Variants in SHROOM2 observed in about 807,000 individuals in gnomAD.
SHROOM2 encodes shroom family member 2, also known as protein Shroom2.
A neutral mutation model predicts 75.9 loss-of-function variants in SHROOM2; 33 were observed. That is an observed-to-expected ratio of 0.43 (90% CI 0.33 to 0.58). The LOEUF is 0.58. Ranked by LOEUF, SHROOM2 falls within the 20% of genes least tolerant of loss-of-function variation. The probability of loss-of-function intolerance (pLI) is 0.04; values close to 1 mark genes in which losing one functional copy is unlikely to be tolerated. For missense variants in SHROOM2, 1,434 were observed against 1,461.2 expected (o/e 0.98, Z 0.30); for synonymous variants, 655 against 663.6 (o/e 0.99, Z 0.20).
intron 5 of SHROOM2, among the ~76,000 whole-genome samples, chrX:9,927,629 C>T (rs932300381): frequency 9.9e-5 from 11 of 111,673 alleles, no homozygotes; most frequent in Non-Finnish European, 1.9e-4. Flanking sequence ...TTTAAAATTC[C>T]GCACAAAAAA....
intron 1 of SHROOM2, among the ~76,000 whole-genome samples, chrX:9,868,306 C>T (rs1334211177): frequency 6.4e-5 from 7 of 109,273 alleles, no homozygotes; most frequent in African/African-American, 1.7e-4. Context: ...AGTGCAGTGG[C>T]GCAATCTCAG....
At chrX:9,854,605 C>G (rs12395679) in intron 1 of SHROOM2, among the ~76,000 whole-genome samples, 19,424 of 111,755 alleles carry the variant, frequency 0.17, 2,418 homozygotes, top group East Asian at 0.42. Flanking sequence ...CAACTCATTA[C>G]TCTTCACGGT....
At chrX:9,937,778 C>T (rs1330074500) in intron 7 of SHROOM2, 93 bp downstream of exon 7, 18 of 832,806 alleles carry the variant, frequency 2.2e-5, no homozygotes, top group African/African-American at 2.1e-4. Flanking sequence ...TGTTTTCATG[C>T]GTGCTTTTGG....
chrX:9,895,671 A>C lies in SHROOM2; in HGVS notation c.1763A>C (p.His588Pro), dbSNP rs1314375527. 8.5e-7 allele frequency: 1 copy of C among 1,174,754 alleles called. No homozygotes were observed. The highest frequency in any genetic ancestry group is 1.1e-6 in the Non-Finnish European group (1 of 880,474). Reference protein sequence around the residue: ...RICPQETPLLHSLTQEGKRRP... With the variant: ...RICPQETPLLPSLTQEGKRRP... ...TGCCCGCAGGAGACGCCCCTGTTGC[A>C]CTCCCTGACCCAGGAGGGGAAGCGC... is the stretch of plus-strand genomic sequence containing the variant. The change falls in exon 4 of 10, where the codon CAC (histidine) becomes CCC (proline). Residue 588 changes from histidine to proline, a missense_variant. By Grantham distance (77) the His-to-Pro change is moderately conservative. Transcript: ENST00000380913.
Position 9,902,223 on chromosome X carries a change from G to A in SHROOM2, c.2891+3933G>A, listed in dbSNP as rs192861426. ...GTTGGATGGACGAATGGAAAAGTAAGTGGGTGGGTGGGAGGATGGATGGAT... is the reference window on the plus strand; with the variant it reads ...GTTGGATGGACGAATGGAAAAGTAAATGGGTGGGTGGGAGGATGGATGGAT... On this transcript the variant is annotated intron_variant, in intron 5 of 9. Transcript: ENST00000380913. Among the ~76,000 whole-genome samples the A allele has an allele frequency of 4.8e-3, 529 of 109,373 alleles. 1 individual carries two copies. The highest frequency in any genetic ancestry group is 0.018 in the Admixed American group (184 of 10,183). 95.0% of individuals were successfully genotyped at this position (109,373 alleles called of 115,157 possible).
At position 9,815,176 on chromosome X, in the gene SHROOM2, A is replaced by G. The variant is rs374650254; in HGVS notation, c.165+28466A>G. Among the ~76,000 whole-genome samples, 7 of 111,643 alleles carry G rather than the reference A, an allele frequency of 6.3e-5. No homozygotes were observed. The South Asian group carries it at 2.7e-3, about 43-fold the overall frequency. The stretch of plus-strand genomic sequence containing the variant: ...ACTCCTTGCCTCTCATGAGCAGTGA[A>G]TCAGGAGTGTCAAATGCATTTATTT... On this transcript the variant is annotated intron_variant, in intron 1 of 9. Coordinates refer to ENST00000380913, the MANE Select transcript of SHROOM2 (RefSeq NM_001649.4).
intron 5 of SHROOM2, among the ~76,000 whole-genome samples, chrX:9,919,477 G>T (rs192709187): frequency 3.7e-5 from 4 of 107,484 alleles, no homozygotes; most frequent in Non-Finnish European, 7.7e-5. Context: ...GACTACAGGC[G>T]CCCACCACCA....
chrX:9,922,285 C>G (rs2084553107), intron 5 of SHROOM2, among the ~76,000 whole-genome samples: 1 of 111,812 alleles, frequency 8.9e-6, no homozygotes, highest in South Asian at 3.8e-4. Flanking sequence ...TCTCAAACTC[C>G]TGGCCTCAAG....
At chrX:9,819,001 C>T in intron 1 of SHROOM2, 1 of 898,627 alleles carries the variant, frequency 1.1e-6, no homozygotes, top group Non-Finnish European at 1.6e-6. Flanking sequence ...GAGCCATTTT[C>T]CTTGTCTTTG....
At chrX:9,835,670 G>T (rs1442618990) in intron 1 of SHROOM2, among the ~76,000 whole-genome samples, 2 of 111,748 alleles carry the variant, frequency 1.8e-5, no homozygotes, top group African/African-American at 6.5e-5. Context: ...GCCCTAGGGG[G>T]GTACTGGGTG....
At chrX:9,828,172 A>T (rs1211141422) in intron 1 of SHROOM2, among the ~76,000 whole-genome samples, 1 of 112,600 alleles carries the variant, frequency 8.9e-6, no homozygotes, top group Admixed American at 9.4e-5. Context: ...GAGCAGGGAA[A>T]ACTGCCTTAT....
At position 9,786,460 on chromosome X, in the gene SHROOM2, C is replaced by T; in HGVS notation, c.-86C>T. The T allele has an allele frequency of 2.8e-6, 2 of 724,054 alleles. No individual in the cohort carries two copies. The highest frequency in any genetic ancestry group is 2.3e-5 in the African/African-American group (1 of 44,135). 59.7% of individuals were successfully genotyped at this position (724,054 alleles called of 1,213,427 possible). A position where few individuals can be genotyped will look rare whatever the true frequency, so the allele number is the denominator to read the frequency against. On this transcript the variant is annotated 5_prime_UTR_variant, in exon 1 of 10. Transcript: ENST00000380913. ...TTTCCAAGTTACGGCGCAAGTTCTG[C>T]GGCGCTCGGAGCCTCCCTTGCGATC...
Position 9,949,068 on chromosome X carries a change from C to T in SHROOM2, c.*2131C>T, listed in dbSNP as rs2084848578. On this transcript the variant is annotated 3_prime_UTR_variant, in exon 10 of 10. Transcript: ENST00000380913. ...CTCTTCTACACAGCAATACGTCGTG[C>T]TCGAGTATCCTTGTAGCAAAGCACA... is the stretch of plus-strand genomic sequence containing the variant. 4.8e-6 allele frequency: 1 copy of T among 210,189 alleles called. No homozygotes were observed. Among genetic ancestry groups the T allele is most frequent in the Admixed American group, 5.8e-5 (1 of 17,175 alleles). 17.3% of individuals were successfully genotyped at this position (210,189 alleles called of 1,213,427 possible).
intron 1 of SHROOM2, among the ~76,000 whole-genome samples, chrX:9,798,766 T>C (rs2083707523): frequency 8.9e-6 from 1 of 112,546 alleles, no homozygotes. Flanking sequence ...TTTATATTGG[T>C]CAAATATGTC....
intron 1 of SHROOM2, among the ~76,000 whole-genome samples, chrX:9,839,485 G>A (rs530129905): frequency 9.0e-6 from 1 of 111,396 alleles, no homozygotes; most frequent in African/African-American, 3.3e-5. Context: ...CCACACACCC[G>A]AAACATCACA....
intron 2 of SHROOM2, among the ~76,000 whole-genome samples, chrX:9,877,312 C>A (rs1175351225): frequency 9.0e-6 from 1 of 111,627 alleles, no homozygotes; most frequent in Non-Finnish European, 1.9e-5. Context: ...TCAGCCCTAC[C>A]AAGTGCATGT....
Position 9,816,923 on chromosome X carries a change from T to A in SHROOM2, c.165+30213T>A, listed in dbSNP as rs145795575. ...CCAGATTTAGGGGACATTGGCAGTA[T>A]CTTCATCATAACATTGTAGGGTTTG... On this transcript the variant is annotated intron_variant, in intron 1 of 9. Coordinates refer to ENST00000380913, the MANE Select transcript of SHROOM2 (RefSeq NM_001649.4). Among the ~76,000 whole-genome samples the A allele has an allele frequency of 2.8e-3, 311 of 111,997 alleles. 3 individuals carry two copies. The highest frequency in any genetic ancestry group is 9.6e-3 in the African/African-American group (295 of 30,869).
chrX:9,926,245 T>C (rs906650217), intron 5 of SHROOM2, among the ~76,000 whole-genome samples: 6 of 112,031 alleles, frequency 5.4e-5, no homozygotes, highest in South Asian at 3.7e-4. Flanking sequence ...TGGATCCCGA[T>C]TGGATGTGTC....
At chrX:9,918,155 C>G (rs2084508172) in intron 5 of SHROOM2, among the ~76,000 whole-genome samples, 1 of 112,727 alleles carries the variant, frequency 8.9e-6, no homozygotes, top group African/African-American at 3.2e-5. Flanking sequence ...AGTGTGTTAC[C>G]TCCCTGGTTA....
Sources: allele counts gnomAD v4.1 joint callset (sites outside exome capture counted in the v4.1 genomes callset), GRCh38; gene constraint gnomAD v4.1.1; transcripts MANE v1.5; gene names NCBI Gene and HGNC (gene_info 2026-07-23, HGNC 2026-07-21).